Variants in TDRD5 observed in about 807,000 individuals in gnomAD.
TDRD5 encodes the protein tudor domain-containing protein 5.
TDRD5 carries 41 observed loss-of-function variants against 120.6 expected under a neutral mutation model. That is an observed-to-expected ratio of 0.34 (90% CI 0.26 to 0.44). The LOEUF is 0.44. TDRD5 is among the 20% of genes least tolerant of loss of function. The pLI is 1.00. For missense variants in TDRD5, 1,006 were observed against 1,221.2 expected, an observed-to-expected ratio of 0.82 and a Z score of 2.63; for synonymous variants, 430 against 433.7, an observed-to-expected ratio of 0.99 and a Z score of 0.11.
At position 179,643,123 on chromosome 1, in the gene TDRD5, G is replaced by GA. The variant is rs538950303; in HGVS notation, c.1800+2684dup. 2.6e-3 allele frequency among the ~76,000 whole-genome samples: 396 copies of GA among 152,196 alleles called. 2 individuals are homozygous for GA. Among genetic ancestry groups the GA allele is most frequent in the African/African-American group, 9.2e-3 (384 of 41,520 alleles). On this transcript the variant is annotated intron_variant, in intron 11 of 17. Transcript: ENST00000444136. ...TGTTGGGGAACTCAGTAGCCCTAGT[G>GA]AAAAAATCAACAGTTGGCATTTGAG...
At chr1:179,682,433 C>G (rs1372967427) in intron 17 of TDRD5, among the ~76,000 whole-genome samples, 2 of 152,036 alleles carry the variant, frequency 1.3e-5, no homozygotes, top group Non-Finnish European at 1.5e-5. Flanking sequence ...TGTGATGTTC[C>G]CCTCTCTGTG....
At chr1:179,619,296 G>A (rs1676722484) in intron 5 of TDRD5, among the ~76,000 whole-genome samples, 1 of 152,070 alleles carries the variant, frequency 6.6e-6, no homozygotes, top group South Asian at 2.1e-4. Flanking sequence ...ATCTTTTCAT[G>A]TGCTTATTAG....
chr1:179,640,462 C>A lies in TDRD5; in HGVS notation c.1800+17C>A. 6.2e-7 allele frequency: 1 copy of A among 1,612,876 alleles called. No individual in the cohort carries two copies. The highest frequency in any genetic ancestry group is 1.3e-5 in the African/African-American group (1 of 75,006). On this transcript the variant is annotated intron_variant, in intron 11 of 17. Coordinates refer to ENST00000444136, the MANE Select transcript of TDRD5 (RefSeq NM_001199085.3). ...CCAGTAGAGGTATGTTTGCTTGTCT[C>A]CCATTTAATCAGCAAACACTTGAGT...
intron 6 of TDRD5, among the ~76,000 whole-genome samples, chr1:179,621,949 C>A (rs1676865213): frequency 6.6e-6 from 1 of 152,190 alleles, no homozygotes; most frequent in African/African-American, 2.4e-5. Context: ...CTCTTAACTA[C>A]TGTGCCATGA....
chr1:179,657,212 T>C lies in TDRD5; in HGVS notation c.2322+2850T>C, dbSNP rs191267252. Among the ~76,000 whole-genome samples, 9 of 152,320 alleles carry C rather than the reference T, an allele frequency of 5.9e-5. No homozygotes were observed. The East Asian group carries it at 1.7e-3, about 29-fold the overall frequency. ...ATTGGAGTTGTGTTATATATATAGA[T>C]AATTTTGAGGAAAGTTGATGCTTTA... On this transcript the variant is annotated intron_variant, in intron 14 of 17. Coordinates refer to ENST00000444136, the MANE Select transcript of TDRD5 (RefSeq NM_001199085.3).
At chr1:179,621,653 A>G (rs1676848931) in intron 6 of TDRD5, among the ~76,000 whole-genome samples, 1 of 152,186 alleles carries the variant, frequency 6.6e-6, no homozygotes, top group Non-Finnish European at 1.5e-5. Flanking sequence ...TATAAAATAA[A>G]TCTGCTCTGC....
At chr1:179,592,536 T>C in intron 1 of TDRD5, 66 bp from the exon 2 acceptor site, 1 of 1,273,334 alleles carries the variant, frequency 7.9e-7, no homozygotes, top group South Asian at 1.3e-5. Flanking sequence ...ATCCCACTAT[T>C]GGTTTTTTTT....
At chr1:179,626,232 AAAAAG>A (rs1434645248) in intron 6 of TDRD5, among the ~76,000 whole-genome samples, 4 of 146,196 alleles carry the variant, frequency 2.7e-5, no homozygotes, top group South Asian at 2.2e-4. Context: ...TAAAAAGAAA[AAAAAG>A]AAGTAAACAG....
At chr1:179,598,222 T>C (rs956472333) in intron 4 of TDRD5, among the ~76,000 whole-genome samples, 2 of 152,216 alleles carry the variant, frequency 1.3e-5, no homozygotes, top group Non-Finnish European at 2.9e-5. Flanking sequence ...AGTATTATAA[T>C]CTTGTGGGAC....
At chr1:179,631,849 T>C (rs1382804270) in intron 7 of TDRD5, among the ~76,000 whole-genome samples, 1 of 122,976 alleles carries the variant, frequency 8.1e-6, no homozygotes, top group Non-Finnish European at 1.7e-5. Flanking sequence ...TTAGGGCACT[T>C]GATTTTTTTT....
At position 179,645,076 on chromosome 1, in the gene TDRD5, C is replaced by CTT. The variant is rs71569261; in HGVS notation, c.1800+4657_1800+4658dup. Among the ~76,000 whole-genome samples, 87 of 99,576 alleles carry CTT rather than the reference C, an allele frequency of 8.7e-4. 7 individuals carry two copies. The highest frequency in any genetic ancestry group is 2.8e-3 in the African/African-American group (69 of 24,612). The allele number at this position is 99,576 out of a possible 152,430, so 65.3% of individuals were successfully genotyped here. A position where few individuals can be genotyped will look rare whatever the true frequency, so the allele number is the denominator to read the frequency against. Reference sequence around the variant, plus strand: ...AGTTTCTCAGTTTATAAACATTTTTCTTTTTTTTTTTTTTTTTTTTTTTTT... The same window carrying CTT: ...AGTTTCTCAGTTTATAAACATTTTTCTTTTTTTTTTTTTTTTTTTTTTTTTTT... On this transcript the variant is annotated intron_variant, in intron 11 of 17. Coordinates refer to ENST00000444136, the MANE Select transcript of TDRD5 (RefSeq NM_001199085.3).
intron 17 of TDRD5, among the ~76,000 whole-genome samples, chr1:179,688,377 C>T (rs1680872359): frequency 7.0e-6 from 1 of 143,480 alleles, no homozygotes; most frequent in African/African-American, 2.4e-5. Flanking sequence ...TTATCCCCCA[C>T]TCTCTTCTGG....
intron 17 of TDRD5, among the ~76,000 whole-genome samples, chr1:179,688,181 A>G (rs4651048): frequency 0.17 from 26,514 of 152,104 alleles, 2,989 homozygotes; most frequent in Non-Finnish European, 0.25. Context: ...AGTGGCTGGT[A>G]CCAGTTGTTC....
intron 17 of TDRD5, among the ~76,000 whole-genome samples, chr1:179,669,984 T>C (rs757758801): frequency 1.3e-5 from 2 of 152,256 alleles, no homozygotes; most frequent in Non-Finnish European, 2.9e-5. Flanking sequence ...TTTACCTGTT[T>C]ACCAGTTAAT....
Position 179,593,886 on chromosome 1 carries a change from G to T in TDRD5, c.640+19G>T, listed in dbSNP as rs1280230979. 7 of 1,604,772 alleles carry T rather than the reference G, an allele frequency of 4.4e-6. No homozygotes were observed. Among genetic ancestry groups the T allele is most frequent in the African/African-American group, 1.3e-5 (1 of 74,676 alleles). On this transcript the variant is annotated intron_variant, in intron 3 of 17. Coordinates refer to ENST00000444136, the MANE Select transcript of TDRD5 (RefSeq NM_001199085.3). ...CCAGCAGGTACGCATGTGAGCAAAT[G>T]TTGGAGCAGTCATGGCACATAGAGG...
rs748631957 is a variant in TDRD5 at position 179,593,582 on chromosome 1, C to A, written c.355C>A (p.Arg119=). The change falls in exon 3 of 18, where the codon CGG becomes AGG. Residue 119 remains arginine (R), a synonymous_variant. Coordinates refer to ENST00000444136, the MANE Select transcript of TDRD5 (RefSeq NM_001199085.3). ...TATTTATTCTGGACCGAGATCTCAT[C>A]GGCGAGTACCTTACCGAGGAAGGGT... ...PSIYSGPRSH[R]RVPYRGRVAP... is the part of the protein sequence containing the mutation. 1 of 1,614,194 alleles carries A rather than the reference C, an allele frequency of 6.2e-7. No individual in the cohort carries two copies. The highest frequency in any genetic ancestry group is 8.5e-7 in the Non-Finnish European group (1 of 1,180,038).
intron 11 of TDRD5, among the ~76,000 whole-genome samples, chr1:179,641,492 T>C (rs917098598): frequency 1.3e-5 from 2 of 150,438 alleles, no homozygotes; most frequent in African/African-American, 4.9e-5. Context: ...ATTGCGCCGC[T>C]GCACTCCAGC....
intron 17 of TDRD5, among the ~76,000 whole-genome samples, chr1:179,685,608 A>G (rs1268855915): frequency 6.6e-6 from 1 of 152,168 alleles, no homozygotes; most frequent in Non-Finnish European, 1.5e-5. Flanking sequence ...TGGGGATGGC[A>G]TTGACTCTAT....
At chr1:179,595,883 T>C in intron 4 of TDRD5, 65 bp downstream of exon 4, 2 of 1,437,922 alleles carry the variant, frequency 1.4e-6, no homozygotes. Context: ...GTTAACACTT[T>C]GATCTGATGG....
Sources: allele counts gnomAD v4.1 joint callset (sites outside exome capture counted in the v4.1 genomes callset), GRCh38; gene constraint gnomAD v4.1.1; transcripts MANE v1.5; gene names NCBI Gene and HGNC (gene_info 2026-07-23, HGNC 2026-07-21).